LPAR1: variants seen among roughly 807,000 people sequenced by gnomAD.
LPAR1 encodes the protein LPA receptor 1.
In LPAR1, 5 loss-of-function variants were observed where a neutral mutation model predicts 23.8. That is an observed-to-expected ratio of 0.21 (90% CI 0.11 to 0.44). The LOEUF is 0.44. Ranked by LOEUF, LPAR1 falls within the 20% of genes least tolerant of loss-of-function variation. The pLI, the probability that LPAR1 is intolerant of heterozygous loss-of-function variation, is 0.99. For synonymous variants in LPAR1, 160 were observed against 164.7 expected (o/e 0.97, Z 0.22); for missense variants, 311 against 482.8 (o/e 0.64, Z 3.33).
intron 1 of LPAR1, among the ~76,000 whole-genome samples, chr9:111,036,788 G>A (rs1006703194): frequency 6.6e-6 from 1 of 151,996 alleles, no homozygotes; most frequent in Non-Finnish European, 1.5e-5. Context: ...CCTCAAATCA[G>A]ACAAGTATCA....
At chr9:111,037,324 G>A (rs991853362) in intron 1 of LPAR1, among the ~76,000 whole-genome samples, 3 of 152,108 alleles carry the variant, frequency 2.0e-5, no homozygotes, top group African/African-American at 7.2e-5. Flanking sequence ...AAAATCCACG[G>A]ATTTCAACAA....
chr9:110,965,015 T>C (rs1041616424), intron 4 of LPAR1, among the ~76,000 whole-genome samples: 1 of 151,908 alleles, frequency 6.6e-6, no homozygotes, highest in African/African-American at 2.4e-5. Context: ...AGATTACAGG[T>C]GCACGCCACC....
At chr9:111,033,739 G>T (rs1372324889) in intron 2 of LPAR1, among the ~76,000 whole-genome samples, 1 of 152,122 alleles carries the variant, frequency 6.6e-6, no homozygotes, top group Non-Finnish European at 1.5e-5. Flanking sequence ...TTTTAGTAGA[G>T]ACAGGGTTTC....
chr9:110,929,079 T>C (rs1408302418), intron 5 of LPAR1, among the ~76,000 whole-genome samples: 1 of 152,242 alleles, frequency 6.6e-6, no homozygotes, highest in Non-Finnish European at 1.5e-5. Flanking sequence ...AAGCCATGAA[T>C]TTCCAGTCTC....
At chr9:110,984,353 T>C (rs1381005833) in intron 2 of LPAR1, among the ~76,000 whole-genome samples, 1 of 152,084 alleles carries the variant, frequency 6.6e-6, no homozygotes, top group Non-Finnish European at 1.5e-5. Context: ...ACTAGCTTAC[T>C]TCACTTAACA....
At chr9:110,945,139 T>A (rs1051752146) in intron 4 of LPAR1, among the ~76,000 whole-genome samples, 1 of 152,134 alleles carries the variant, frequency 6.6e-6, no homozygotes, top group African/African-American at 2.4e-5. Flanking sequence ...GTCAAAAGAA[T>A]AAGCAGTGGA....
chr9:110,978,206 G>A (rs2096599993), intron 2 of LPAR1, among the ~76,000 whole-genome samples: 1 of 152,088 alleles, frequency 6.6e-6, no homozygotes, highest in Admixed American at 6.6e-5. Context: ...TATGAGACCA[G>A]AAAAGAGTCT....
chr9:110,970,891 T>C (rs1220394951), intron 4 of LPAR1, among the ~76,000 whole-genome samples: 1 of 152,194 alleles, frequency 6.6e-6, no homozygotes, highest in African/African-American at 2.4e-5. Context: ...ATCCCAGCAC[T>C]TTGGGAGGCC....
intron 2 of LPAR1, among the ~76,000 whole-genome samples, chr9:110,995,310 G>C (rs2096976363): frequency 6.6e-6 from 1 of 152,012 alleles, no homozygotes; most frequent in Non-Finnish European, 1.5e-5. Flanking sequence ...GGAGATAAAA[G>C]CTTAAAAAAA....
chr9:111,010,445 C>T (rs1280183937), intron 2 of LPAR1, among the ~76,000 whole-genome samples: 1 of 151,864 alleles, frequency 6.6e-6, no homozygotes, highest in African/African-American at 2.4e-5. Flanking sequence ...AGCAAGAGAC[C>T]AGGAAAATAA....
chr9:110,883,510 A>C (rs2081438872), intron 5 of LPAR1, among the ~76,000 whole-genome samples: 1 of 152,224 alleles, frequency 6.6e-6, no homozygotes, highest in Non-Finnish European at 1.5e-5. Flanking sequence ...AAGGAAAAGA[A>C]AAGACAGAAG....
intron 2 of LPAR1, among the ~76,000 whole-genome samples, chr9:110,985,024 A>G (rs926181355): frequency 6.6e-6 from 1 of 152,030 alleles, no homozygotes; most frequent in African/African-American, 2.4e-5. Flanking sequence ...GCCATGCTAA[A>G]CTTTTTATCT....
intron 2 of LPAR1, among the ~76,000 whole-genome samples, chr9:111,023,518 T>G (rs1022014115): frequency 2.0e-5 from 3 of 149,550 alleles, no homozygotes; most frequent in East Asian, 1.9e-4. Context: ...ATTTGGATGT[T>G]TTTTTTTTTG....
At chr9:110,973,691 T>C (rs940688391) in intron 2 of LPAR1, 133 bp from the exon 3 acceptor site, 1 of 152,338 alleles carries the variant, frequency 6.6e-6, no homozygotes, top group South Asian at 2.1e-4. Context: ...CTAACTTCCC[T>C]GTAGTAAATC....
intron 2 of LPAR1, among the ~76,000 whole-genome samples, chr9:110,980,793 G>A (rs544212606): frequency 8.5e-4 from 129 of 152,058 alleles, no homozygotes; most frequent in Non-Finnish European, 1.2e-3. Flanking sequence ...ACTGTTACCC[G>A]TATAAAGAAA....
chr9:111,028,090 T>A (rs55799326), intron 2 of LPAR1, among the ~76,000 whole-genome samples: 91 of 151,830 alleles, frequency 6.0e-4, no homozygotes, highest in African/African-American at 2.1e-3. Flanking sequence ...TAAAAGCAAA[T>A]ATTTTTAAAA....
chr9:110,981,533 C>A (rs118027681), intron 2 of LPAR1, among the ~76,000 whole-genome samples: 25 of 151,950 alleles, frequency 1.6e-4, no homozygotes, highest in Admixed American at 1.2e-3. Context: ...AATAAAGTAT[C>A]TACCTATACA....
At chr9:111,010,574 C>A (rs2140549018) in intron 2 of LPAR1, among the ~76,000 whole-genome samples, 1 of 152,188 alleles carries the variant, frequency 6.6e-6, no homozygotes, top group East Asian at 1.9e-4. Context: ...AGGACCAGTG[C>A]AACCAAGAAA....
chr9:110,978,196 T>C (rs1480991928), intron 2 of LPAR1, among the ~76,000 whole-genome samples: 1 of 151,968 alleles, frequency 6.6e-6, no homozygotes, highest in Non-Finnish European at 1.5e-5. Flanking sequence ...TAGAAAGAAA[T>C]ATGAGACCAG....
Sources: gnomAD v4.1 joint callset for allele counts (sites outside exome capture counted in the v4.1 genomes callset) on GRCh38, gnomAD v4.1.1 for gene constraint, MANE v1.5 for transcripts, NCBI Gene and HGNC (gene_info 2026-07-23, HGNC 2026-07-21) for gene names.